The following RANBP17 variants were observed in gnomAD, a reference collection of about 807,000 sequenced individuals.
RANBP17 encodes ran-binding protein 17.
RANBP17 carries 158 observed loss-of-function variants against 141.2 expected under a neutral mutation model. That is an observed-to-expected ratio of 1.12 (90% CI 0.98 to 1.28). RANBP17 has a LOEUF of 1.28. Ranked by LOEUF, RANBP17 falls within the 50% of genes most tolerant of loss-of-function variation. The pLI is 0.00. For missense variants in RANBP17, 1,438 were observed against 1,290.7 expected (o/e 1.11, Z -1.75); for synonymous variants, 430 against 450.0 (o/e 0.96, Z 0.56).
intron 14 of RANBP17, among the ~76,000 whole-genome samples, chr5:171,052,187 C>T (rs1440497661): frequency 6.6e-6 from 1 of 151,974 alleles, no homozygotes; most frequent in African/African-American, 2.4e-5. Context: ...CAAATATGTT[C>T]TCCCTTTTTG....
chr5:170,883,336 G>C (rs1352487304), intron 3 of RANBP17, among the ~76,000 whole-genome samples: 1 of 152,146 alleles, frequency 6.6e-6, no homozygotes, highest in Non-Finnish European at 1.5e-5. Flanking sequence ...AAAGTACAGA[G>C]GACTTCCGTA....
intron 12 of RANBP17, among the ~76,000 whole-genome samples, chr5:170,939,371 A>C (rs977352935): frequency 5.1e-5 from 7 of 136,750 alleles, no homozygotes; most frequent in African/African-American, 2.1e-4. Flanking sequence ...TTATTTATTT[A>C]TTTATTTATT....
intron 9 of RANBP17, 89 bp from the exon 10 acceptor site, chr5:170,918,624 G>T: frequency 1.9e-6 from 2 of 1,048,948 alleles, no homozygotes; most frequent in Non-Finnish European, 2.6e-6. Context: ...CATGAAAATT[G>T]GGAGACTTAA....
intron 13 of RANBP17, among the ~76,000 whole-genome samples, chr5:170,959,008 G>A (rs1473872764): frequency 6.6e-6 from 1 of 152,104 alleles, no homozygotes; most frequent in East Asian, 1.9e-4. Flanking sequence ...AGACCTTGGC[G>A]ATGACCTTGA....
chr5:170,887,224 C>T (rs1481380492), intron 3 of RANBP17, among the ~76,000 whole-genome samples: 11 of 152,082 alleles, frequency 7.2e-5, no homozygotes, highest in Non-Finnish European at 1.0e-4. Flanking sequence ...TATTTTCTCC[C>T]GATCTGTGGC....
intron 18 of RANBP17, among the ~76,000 whole-genome samples, chr5:171,197,618 A>G (rs1762048869): frequency 6.6e-6 from 1 of 152,196 alleles, no homozygotes; most frequent in Non-Finnish European, 1.5e-5. Context: ...TATAAATTTT[A>G]TCTCATTTAG....
At position 171,100,798 on chromosome 5, in the gene RANBP17, C is replaced by T. The variant is rs144731334; in HGVS notation, c.1711-69332C>T. ...GTGTCCCAGAGATTCTGGGACGTTG[C>T]GTCTTTGTTCTCACTGGTTTCAAAG... On this transcript the variant is annotated intron_variant, in intron 14 of 27. Coordinates refer to ENST00000523189, the MANE Select transcript of RANBP17 (RefSeq NM_022897.5). 8.9e-4 allele frequency among the ~76,000 whole-genome samples: 136 copies of T among 152,170 alleles called. 1 individual carries two copies. In the East Asian group the frequency reaches 0.022, roughly 25 times the overall value.
intron 14 of RANBP17, among the ~76,000 whole-genome samples, chr5:171,126,237 A>T (rs1756459432): frequency 6.6e-6 from 1 of 152,222 alleles, no homozygotes; most frequent in Non-Finnish European, 1.5e-5. Flanking sequence ...TCAGTGGATA[A>T]ATAAAGAAGG....
At chr5:170,884,595 G>A (rs759760765) in intron 3 of RANBP17, among the ~76,000 whole-genome samples, 12 of 152,026 alleles carry the variant, frequency 7.9e-5, no homozygotes, top group Non-Finnish European at 1.3e-4. Flanking sequence ...TCTCGGGGTG[G>A]CAGAGGCAGA....
intron 14 of RANBP17, among the ~76,000 whole-genome samples, chr5:171,136,148 A>G (rs1266532618): frequency 6.6e-6 from 1 of 152,230 alleles, no homozygotes; most frequent in Non-Finnish European, 1.5e-5. Flanking sequence ...CCAGCATCCC[A>G]ACTGCAAGGC....
Position 170,911,442 on chromosome 5 carries a change from G to A in RANBP17, c.760+308G>A. On this transcript the variant is annotated intron_variant, in intron 7 of 27. Transcript: ENST00000523189. ...TTTCAGACTTTCAGATAAACAGAGT[G>A]GGACAGGATCCCACTCTGTTTATGA... The A allele has an allele frequency of 6.4e-6, 4 of 625,278 alleles. No individual in the cohort carries two copies. In the Admixed American group the frequency reaches 7.4e-5, roughly 12 times the overall value. 38.7% of individuals were successfully genotyped at this position (625,278 alleles called of 1,614,324 possible).
At chr5:170,881,738 A>C (rs1222419588) in intron 2 of RANBP17, 68 bp from the exon 3 acceptor site, 5 of 1,115,484 alleles carry the variant, frequency 4.5e-6, no homozygotes, top group Admixed American at 2.9e-5. Flanking sequence ...GCTTAGAAGA[A>C]CATCTCTATC....
chr5:170,962,933 T>C (rs1776257311), intron 13 of RANBP17, among the ~76,000 whole-genome samples: 1 of 152,200 alleles, frequency 6.6e-6, no homozygotes, highest in Non-Finnish European at 1.5e-5. Context: ...TGCTGTGACC[T>C]AGACGTTTTG....
chr5:171,028,865 T>C (rs1216215609), intron 14 of RANBP17: 1 of 1,266,646 alleles, frequency 7.9e-7, no homozygotes. Context: ...TTTTTTGTCT[T>C]GCACAGAAGA....
In RANBP17 at chr5:170,918,862, A is replaced by G; in HGVS notation, c.1101+3A>G. On this transcript the variant is annotated splice_donor_region_variant and intron_variant, in intron 10 of 27. Coordinates refer to ENST00000523189, the MANE Select transcript of RANBP17 (RefSeq NM_022897.5). The stretch of plus-strand genomic sequence containing the variant: ...ATTTTACCATTACTAGCCTACAGGT[A>G]GGTAAAAATATGTAATTATGTTAAA... 6.5e-7 allele frequency: 1 copy of G among 1,547,942 alleles called. No individual in the cohort carries two copies.
At chr5:170,885,049 C>T (rs933030045) in intron 3 of RANBP17, among the ~76,000 whole-genome samples, 4 of 151,932 alleles carry the variant, frequency 2.6e-5, no homozygotes, top group Admixed American at 6.6e-5. Context: ...GACCTTTTGT[C>T]GCCTTTACTT....
intron 14 of RANBP17, among the ~76,000 whole-genome samples, chr5:171,034,399 T>G (rs1309848344): frequency 6.6e-6 from 1 of 152,188 alleles, no homozygotes; most frequent in Non-Finnish European, 1.5e-5. Context: ...TGTAGTGGTA[T>G]AAAACCTGAA....
chr5:171,295,842 C>A, intron 26 of RANBP17, 45 bp from the exon 27 acceptor site: 9 of 1,598,388 alleles, frequency 5.6e-6, no homozygotes, highest in Non-Finnish European at 7.7e-6. Flanking sequence ...TGTCTTCAGG[C>A]GGGACTTGGA....
intron 14 of RANBP17, among the ~76,000 whole-genome samples, chr5:170,995,053 A>C (rs1356959430): frequency 6.6e-6 from 1 of 152,116 alleles, no homozygotes; most frequent in Non-Finnish European, 1.5e-5. Flanking sequence ...GTTCTGGTGT[A>C]TATTCAGATG....
Sources: gnomAD v4.1 joint callset for allele counts (sites outside exome capture counted in the v4.1 genomes callset) on GRCh38, gnomAD v4.1.1 for gene constraint, MANE v1.5 for transcripts, NCBI Gene and HGNC (gene_info 2026-07-23, HGNC 2026-07-21) for gene names.